Variants in CTNNA2 observed in about 807,000 individuals in gnomAD.
CTNNA2 encodes catenin alpha-2.
In CTNNA2, 42 loss-of-function variants were observed where a neutral mutation model predicts 101.0. That is an observed-to-expected ratio of 0.42 (90% CI 0.32 to 0.54). CTNNA2 has a LOEUF of 0.54. CTNNA2 is among the 20% of genes least tolerant of loss of function. The probability of loss-of-function intolerance (pLI) is 0.14; values close to 1 mark genes in which losing one functional copy is unlikely to be tolerated. For synonymous variants in CTNNA2, 450 were observed against 456.4 expected, an observed-to-expected ratio of 0.99 and a Z score of 0.18; for missense variants, 871 against 1,223.1, an observed-to-expected ratio of 0.71 and a Z score of 4.29.
chr2:80,640,232 G>GT (rs1255125798), intron 18 of CTNNA2, among the ~76,000 whole-genome samples: 1 of 152,182 alleles, frequency 6.6e-6, no homozygotes, highest in Non-Finnish European at 1.5e-5. Flanking sequence ...ACAGAATCAA[G>GT]TTTTTTTGGA....
At position 80,619,129 on chromosome 2, in the gene CTNNA2, T is replaced by G. The variant is rs1225382884; in HGVS notation, c.2475T>G (p.Cys825Trp). The G allele has an allele frequency of 8.4e-6, 13 of 1,550,858 alleles. No homozygotes were observed. The highest frequency in any genetic ancestry group is 1.0e-5 in the Non-Finnish European group (12 of 1,146,624). ...TCACTACCTTTTATGAGGTAGATTG[T>G]GATGTCATAGATGGGGGCAGGGCTA... ...STFTTFYEVD[C>W]DVIDGGRASQ... Residue 825 changes from cysteine (C) to tryptophan (W), a missense_variant, in exon 18 of 19, where the codon TGT becomes TGG. This residue lies in a region of CTNNA2 where 65 missense variants were observed against 53.3 expected (regional missense o/e 1.22). Transcript: ENST00000402739.
intron 2 of CTNNA2, among the ~76,000 whole-genome samples, chr2:79,681,809 G>A (rs1200098362): frequency 1.3e-5 from 2 of 152,160 alleles, no homozygotes; most frequent in African/African-American, 2.4e-5. Flanking sequence ...AAAACTTACC[G>A]CTTCAGAGGG....
chr2:79,335,391 C>G (rs899681241), intron 3 of CTNNA2, among the ~76,000 whole-genome samples: 1 of 152,172 alleles, frequency 6.6e-6, no homozygotes, highest in Non-Finnish European at 1.5e-5. Context: ...TAAGCCAGAT[C>G]TAGAGGTCAC....
chr2:80,184,255 T>A (rs4852560), intron 7 of CTNNA2, among the ~76,000 whole-genome samples: 3 of 151,964 alleles, frequency 2.0e-5, no homozygotes, highest in South Asian at 2.1e-4. Flanking sequence ...GAAATCAATC[T>A]TATTAATTTT....
At chr2:80,461,345 T>G (rs2149472438) in intron 9 of CTNNA2, among the ~76,000 whole-genome samples, 1 of 152,236 alleles carries the variant, frequency 6.6e-6, no homozygotes. Flanking sequence ...ATCCCTGATG[T>G]TACCTCGTAG....
intron 9 of CTNNA2, among the ~76,000 whole-genome samples, chr2:80,435,168 T>A (rs781534182): frequency 3.9e-5 from 6 of 152,180 alleles, no homozygotes; most frequent in Non-Finnish European, 7.3e-5. Context: ...GACAAAATCA[T>A]CCCTGGTTGA....
At chr2:80,221,150 T>G (rs1046373918) in intron 7 of CTNNA2, among the ~76,000 whole-genome samples, 1 of 152,216 alleles carries the variant, frequency 6.6e-6, no homozygotes, top group Non-Finnish European at 1.5e-5. Context: ...CCCAAAGTGT[T>G]GGGATTACAG....
intron 9 of CTNNA2, among the ~76,000 whole-genome samples, chr2:80,434,790 G>A (rs1054442398): frequency 6.6e-6 from 1 of 151,958 alleles, no homozygotes; most frequent in Non-Finnish European, 1.5e-5. Flanking sequence ...CAGAGAATTG[G>A]GAAAGAAATT....
At chr2:80,086,927 T>G (rs1284626371) in intron 7 of CTNNA2, among the ~76,000 whole-genome samples, 1 of 151,992 alleles carries the variant, frequency 6.6e-6, no homozygotes, top group African/African-American at 2.4e-5. Flanking sequence ...ATCAGAGACT[T>G]TTCAAAATAA....
intron 2 of CTNNA2, among the ~76,000 whole-genome samples, chr2:79,200,592 A>C (rs1674021432): frequency 6.6e-6 from 1 of 152,148 alleles, no homozygotes; most frequent in South Asian, 2.1e-4. Flanking sequence ...TATACAGCAG[A>C]GGGTGACAAG....
chr2:79,482,434 G>T (rs1671119270), intron 4 of CTNNA2, among the ~76,000 whole-genome samples: 1 of 152,164 alleles, frequency 6.6e-6, no homozygotes, highest in African/African-American at 2.4e-5. Context: ...TTGGAAACGT[G>T]GGCTAGTTCC....
chr2:80,557,064 T>C (rs1241676133), intron 12 of CTNNA2, among the ~76,000 whole-genome samples: 1 of 152,170 alleles, frequency 6.6e-6, no homozygotes, highest in Non-Finnish European at 1.5e-5. Context: ...TAAAACACAA[T>C]ACATAAACAC....
chr2:80,268,734 G>A (rs1673212512), intron 7 of CTNNA2, among the ~76,000 whole-genome samples: 2 of 152,110 alleles, frequency 1.3e-5, no homozygotes, highest in Non-Finnish European at 2.9e-5. Context: ...TGAATCATTG[G>A]TATGGGATAC....
chr2:79,989,094 G>T (rs1410492373), intron 7 of CTNNA2, among the ~76,000 whole-genome samples: 1 of 152,186 alleles, frequency 6.6e-6, no homozygotes, highest in African/African-American at 2.4e-5. Context: ...AAGAAGACAG[G>T]ATGCTAGAGG....
In CTNNA2 at chr2:80,313,736, A is replaced by T. The variant is rs373731374; in HGVS notation, c.1057-79475A>T. 103 of 1,000,330 alleles carry T rather than the reference A, an allele frequency of 1.0e-4. 3 individuals are homozygous for T. The African/African-American group carries it at 1.2e-3, about 12-fold the overall frequency. 62.0% of individuals were successfully genotyped at this position (1,000,330 alleles called of 1,614,324 possible). On this transcript the variant is annotated intron_variant, in intron 7 of 18. Transcript: ENST00000402739. ...CTTTCAACTAGAAATATGATTTCCA[A>T]AATGTGAGTACAAGGAATATAATTC...
intron 3 of CTNNA2, among the ~76,000 whole-genome samples, chr2:79,791,638 A>G (rs1329547014): frequency 6.6e-6 from 1 of 152,172 alleles, no homozygotes; most frequent in Non-Finnish European, 1.5e-5. Flanking sequence ...TGGGGAGAAT[A>G]TTACTTTTGA....
intron 7 of CTNNA2, among the ~76,000 whole-genome samples, chr2:79,943,019 C>A (rs1574371410): frequency 6.6e-6 from 1 of 152,090 alleles, no homozygotes; most frequent in Admixed American, 6.5e-5. Flanking sequence ...AAGTTCAAGA[C>A]CATTCTGGCC....
intron 7 of CTNNA2, among the ~76,000 whole-genome samples, chr2:80,320,930 A>C (rs1678616223): frequency 6.6e-6 from 1 of 152,228 alleles, no homozygotes; most frequent in Admixed American, 6.5e-5. Context: ...ACATTTCATT[A>C]GGGTGGTGAT....
At chr2:79,321,533 G>A (rs940243207) in intron 3 of CTNNA2, among the ~76,000 whole-genome samples, 2 of 152,198 alleles carry the variant, frequency 1.3e-5, no homozygotes, top group African/African-American at 2.4e-5. Flanking sequence ...TTGGCTAGGG[G>A]TTCTCTTTGC....
Sources: gnomAD v4.1 joint callset for allele counts (sites outside exome capture counted in the v4.1 genomes callset) on GRCh38, gnomAD v4.1.1 for gene constraint, gnomAD v4.1.1 regional missense constraint, MANE v1.5 for transcripts, NCBI Gene and HGNC (gene_info 2026-07-23, HGNC 2026-07-21) for gene names.